Variants in EFNA3 observed in about 807,000 individuals in gnomAD.
EFNA3 encodes the protein ephrin A3.
Under a neutral mutation model 25.0 loss-of-function variants are expected in EFNA3, and 15 were observed. The ratio of observed to expected loss-of-function variants is 0.60; its 90% CI spans 0.40 to 0.92. EFNA3 has a LOEUF of 0.92. EFNA3 is among the 40% of genes least tolerant of loss of function. The probability of loss-of-function intolerance (pLI) is 0.00; values close to 1 mark genes in which losing one functional copy is unlikely to be tolerated. For synonymous variants in EFNA3, 153 were observed against 145.6 expected (o/e 1.05, Z -0.37); for missense variants, 298 against 323.8 (o/e 0.92, Z 0.61).
At position 155,085,510 on chromosome 1, in the gene EFNA3, G is replaced by C. The variant is rs1388158373; in HGVS notation, c.442+106G>C. ...GGCGGGGCCGGCGCGGCGGGCGCCA[G>C]GTCTCGCGGCTGAGACCAGGGAGGA... is the stretch of plus-strand genomic sequence containing the variant. On this transcript the variant is annotated intron_variant, in intron 2 of 4. Transcript: ENST00000368408. The surrounding 1 kb of genome is among the most constrained non-coding windows in gnomAD (Gnocchi z 4.4). The C allele has an allele frequency of 1.5e-5, 20 of 1,371,672 alleles. No homozygotes were observed. The highest frequency in any genetic ancestry group is 1.7e-5 in the Non-Finnish European group (18 of 1,033,196). 85.0% of individuals were successfully genotyped at this position (1,371,672 alleles called of 1,614,324 possible).
Position 155,086,329 on chromosome 1 carries a change from C to A in EFNA3, c.587-84C>A, listed in dbSNP as rs1008296271. 3.1e-6 allele frequency: 5 copies of A among 1,594,530 alleles called. No homozygotes were observed. In the East Asian group the frequency reaches 1.1e-4, roughly 36 times the overall value. ...CTTCCTACCCTGTGGGTGGTCACGT[C>A]CCTGGCTCCATTGCTGCTGCCGCGT... is the stretch of plus-strand genomic sequence containing the variant. On this transcript the variant is annotated intron_variant, in intron 4 of 4. Transcript: ENST00000368408.
chr1:155,078,937 C>G lies in EFNA3; in HGVS notation c.-5C>G, dbSNP rs1038968091. 2.1e-6 allele frequency: 3 copies of G among 1,396,740 alleles called. No homozygotes were observed. The East Asian group carries it at 9.2e-5, about 43-fold the overall frequency. The allele number at this position is 1,396,740 out of a possible 1,614,324, so 86.5% of individuals were successfully genotyped here. A position where few individuals can be genotyped will look rare whatever the true frequency, so the allele number is the denominator to read the frequency against. ...CGGGGGGCGGCGGCGGCGGCGGCTC[C>G]GGGGATGGCGGCGGCTCCGCTGCTG... On this transcript the variant is annotated 5_prime_UTR_variant, in exon 1 of 5. Coordinates refer to ENST00000368408, the MANE Select transcript of EFNA3 (RefSeq NM_004952.5).
rs1343855099 is a variant in EFNA3 at position 155,080,943 on chromosome 1, G to C, written c.128+1874G>C. Among the ~76,000 whole-genome samples, 1 of 152,114 alleles carries C rather than the reference G, an allele frequency of 6.6e-6. No individual in the cohort carries two copies. The highest frequency in any genetic ancestry group is 1.5e-5 in the Non-Finnish European group (1 of 67,982). ...AGCCGCGGCCCCATAAATCGTGAGA[G>C]CGACGTGCTCCGGAGCCGAGAATGG... On this transcript the variant is annotated intron_variant, in intron 1 of 4. Transcript: ENST00000368408. This position sits in a 1 kb window ranked among gnomAD's most constrained non-coding sequence, Gnocchi z 7.0.
rs534338239 is a variant in EFNA3 at position 155,086,688 on chromosome 1, C to T, written c.*145C>T. On this transcript the variant is annotated 3_prime_UTR_variant, in exon 5 of 5. Transcript: ENST00000368408. The stretch of plus-strand genomic sequence containing the variant: ...GGCCTGCACCATACATCTGTGTCCG[C>T]CCCCTCTACCCCTTCCCCCCACGTA... 35 of 975,692 alleles carry T rather than the reference C, an allele frequency of 3.6e-5. 1 individual carries two copies. The South Asian group carries it at 5.5e-4, about 15-fold the overall frequency. The allele number at this position is 975,692 out of a possible 1,614,324, so 60.4% of individuals were successfully genotyped here.
Position 155,085,898 on chromosome 1 carries a change from A to G in EFNA3, c.464A>G (p.His155Arg), listed in dbSNP as rs1571664743. The change falls in exon 3 of 5, where the codon CAC (histidine) becomes CGC (arginine). Residue 155 changes from histidine (H) to arginine (R), a missense_variant. Transcript: ENST00000368408. This position sits in a 1 kb window ranked among gnomAD's most constrained non-coding sequence, Gnocchi z 4.4. ...CCAGCCACGCCCACTCACAACCTGC[A>G]CTGGAAGTGTCTGAGGATGAAGGTG... Reference protein sequence around the residue: ...YYISTPTHNLHWKCLRMKVFV... With the variant: ...YYISTPTHNLRWKCLRMKVFV... 2 of 1,613,460 alleles carry G rather than the reference A, an allele frequency of 1.2e-6. No homozygotes were observed. The highest frequency in any genetic ancestry group is 1.7e-6 in the Non-Finnish European group (2 of 1,179,736).
At position 155,081,337 on chromosome 1, in the gene EFNA3, AG is replaced by A. The variant is rs565441866; in HGVS notation, c.128+2269del. 3.0e-3 allele frequency among the ~76,000 whole-genome samples: 454 copies of A among 152,366 alleles called. 3 individuals are homozygous for A. The highest frequency in any genetic ancestry group is 0.01 in the African/African-American group (431 of 41,588). On this transcript the variant is annotated intron_variant, in intron 1 of 4. Transcript: ENST00000368408. The surrounding 1 kb of genome is among the most constrained non-coding windows in gnomAD (Gnocchi z 5.2). ...GAGTATGAGGTCGAGGAGTCCCCTA[AG>A]CCGGGAATCGAACTTGGTGAGGGGG...
rs546078200 is a variant in EFNA3, at chr1:155,079,274, C to G, written c.128+205C>G. Among the ~76,000 whole-genome samples, 1 of 152,174 alleles carries G rather than the reference C, an allele frequency of 6.6e-6. No individual in the cohort carries two copies. The highest frequency in any genetic ancestry group is 1.9e-4 in the East Asian group (1 of 5,166). On this transcript the variant is annotated intron_variant, in intron 1 of 4. Coordinates refer to ENST00000368408, the MANE Select transcript of EFNA3 (RefSeq NM_004952.5). The surrounding 1 kb of genome is among the most constrained non-coding windows in gnomAD (Gnocchi z 7.7). ...GAGGCTGTTGGGCTATAGTAAGGAGCGCTCGGGCCGTGTGGAGGAGGCTGC... is the reference window on the plus strand; with the variant it reads ...GAGGCTGTTGGGCTATAGTAAGGAGGGCTCGGGCCGTGTGGAGGAGGCTGC...
At position 155,079,476 on chromosome 1, in the gene EFNA3, G is replaced by C. The variant is rs1266650896; in HGVS notation, c.128+407G>C. The stretch of plus-strand genomic sequence containing the variant: ...GTTTTTGGCCATGAGGGCTTCCAGG[G>C]GTTCTGTCTAGGACTCCTGCTTTTA... On this transcript the variant is annotated intron_variant, in intron 1 of 4. Coordinates refer to ENST00000368408, the MANE Select transcript of EFNA3 (RefSeq NM_004952.5). The surrounding 1 kb of genome is among the most constrained non-coding windows in gnomAD (Gnocchi z 7.7). Among the ~76,000 whole-genome samples the C allele has an allele frequency of 6.6e-6, 1 of 152,142 alleles. No homozygotes were observed. The highest frequency in any genetic ancestry group is 1.5e-5 in the Non-Finnish European group (1 of 68,016).
In EFNA3 at chr1:155,085,017, C is replaced by A; in HGVS notation, c.129-74C>A. On this transcript the variant is annotated intron_variant, in intron 1 of 4. Transcript: ENST00000368408. The surrounding 1 kb of genome is among the most constrained non-coding windows in gnomAD (Gnocchi z 4.4). ...AGGCTACGCGGACCCTGGGGAGGGG[C>A]TGCGGAGCGGTCAGATGGAAAGCGG... 1.3e-6 allele frequency: 2 copies of A among 1,532,392 alleles called. No homozygotes were observed. Among genetic ancestry groups the A allele is most frequent in the Non-Finnish European group, 1.8e-6 (2 of 1,119,588 alleles). The allele number at this position is 1,532,392 out of a possible 1,614,324, so 94.9% of individuals were successfully genotyped here. A position where few individuals can be genotyped will look rare whatever the true frequency, so the allele number is the denominator to read the frequency against.
intron 1 of EFNA3, among the ~76,000 whole-genome samples, chr1:155,082,955 T>C (rs1450844225): frequency 2.0e-5 from 3 of 152,158 alleles, no homozygotes; most frequent in Admixed American, 1.3e-4. Flanking sequence ...GTGTACCAAC[T>C]GGGCCCAGCC....
chr1:155,085,936 G>A lies in EFNA3; in HGVS notation c.502G>A (p.Ala168Thr), dbSNP rs1032457204. ...CLRMKVFVCC[A>T]STSHSGEKPV... ...GAGGATGAAGGTGTTCGTCTGCTGC[G>A]CCTCCAGTGAGTAGAATAGGCTCCG... is the stretch of plus-strand genomic sequence containing the variant. Residue 168 changes from alanine (A) to threonine (T), a missense_variant, in exon 3 of 5, where the codon GCC (alanine) becomes ACC (threonine). By Grantham distance (58) the Ala-to-Thr change is moderately conservative. Transcript: ENST00000368408. This position sits in a 1 kb window ranked among gnomAD's most constrained non-coding sequence, Gnocchi z 4.4. 2 of 1,610,608 alleles carry A rather than the reference G, an allele frequency of 1.2e-6. No individual in the cohort carries two copies. Among genetic ancestry groups the A allele is most frequent in the African/African-American group, 2.7e-5 (2 of 74,742 alleles).
chr1:155,085,803 GAGAAATAGAGCCGTCGAGGGAGGGCAC>G lies in EFNA3; in HGVS notation c.443-71_443-45del. 6.4e-7 allele frequency: 1 copy of G among 1,558,632 alleles called. No individual in the cohort carries two copies. Among genetic ancestry groups the G allele is most frequent in the South Asian group, 1.2e-5 (1 of 86,140 alleles). On this transcript the variant is annotated intron_variant, in intron 2 of 4. Coordinates refer to ENST00000368408, the MANE Select transcript of EFNA3 (RefSeq NM_004952.5). The surrounding 1 kb of genome is among the most constrained non-coding windows in gnomAD (Gnocchi z 4.4). ...CCGACGGGGACAGTTTGGAGGGGGT[GAGAAATAGAGCCGTCGAGGGAGGGCAC>G]AGGCACACATTGGGCGAAAGTGACT...
rs1663322905 is a variant in EFNA3 at position 155,080,518 on chromosome 1, T to C, written c.128+1449T>C. Among the ~76,000 whole-genome samples, 2 of 151,602 alleles carry C rather than the reference T, an allele frequency of 1.3e-5. No individual in the cohort carries two copies. The highest frequency in any genetic ancestry group is 1.3e-4 in the Admixed American group (2 of 15,276). Reference sequence around the variant, plus strand: ...TCCAGCTCTATCTAGCTCAGCCCCCTCCCCCAGACTCACACGTCCGCCCCC... The same window carrying C: ...TCCAGCTCTATCTAGCTCAGCCCCCCCCCCCAGACTCACACGTCCGCCCCC... On this transcript the variant is annotated intron_variant, in intron 1 of 4. Transcript: ENST00000368408. This position sits in a 1 kb window ranked among gnomAD's most constrained non-coding sequence, Gnocchi z 7.0.
In EFNA3 at chr1:155,085,614, A is replaced by G; in HGVS notation, c.442+210A>G. ...AGAGAGGAGTTTGGTGACAGTCCCA[A>G]GTTTGGGCTGCGGAGAATCGCTGTT... On this transcript the variant is annotated intron_variant, in intron 2 of 4. Transcript: ENST00000368408. The surrounding 1 kb of genome is among the most constrained non-coding windows in gnomAD (Gnocchi z 4.4). 1.4e-6 allele frequency: 1 copy of G among 706,666 alleles called. No individual in the cohort carries two copies. Among genetic ancestry groups the G allele is most frequent in the Non-Finnish European group, 2.3e-6 (1 of 435,142 alleles). The allele number at this position is 706,666 out of a possible 1,614,324, so 43.8% of individuals were successfully genotyped here.
In EFNA3 at chr1:155,078,955, C is replaced by T. The variant is rs1663284671; in HGVS notation, c.14C>T (p.Pro5Leu). The T allele has an allele frequency of 2.8e-6, 4 of 1,416,474 alleles. No homozygotes were observed. The highest frequency in any genetic ancestry group is 1.5e-5 in the South Asian group (1 of 64,966). 87.7% of individuals were successfully genotyped at this position (1,416,474 alleles called of 1,614,324 possible). Residue 5 changes from proline (P) to leucine (L), a missense_variant, in exon 1 of 5, where the codon CCG becomes CTG. Physicochemically the swap from Pro to Leu is moderately conservative, Grantham distance 98. Coordinates refer to ENST00000368408, the MANE Select transcript of EFNA3 (RefSeq NM_004952.5). ...GCGGCTCCGGGGATGGCGGCGGCTC[C>T]GCTGCTGCTGCTGCTGCTGCTCGTG... MAAA[P>L]LLLLLLLVPV...
Position 155,085,187 on chromosome 1 carries a change from G to C in EFNA3, c.225G>C (p.Ala75=), listed in dbSNP as rs1663429504. The C allele has an allele frequency of 1.2e-6, 2 of 1,612,940 alleles. No homozygotes were observed. The highest frequency in any genetic ancestry group is 3.3e-5 in the Admixed American group (2 of 59,990). The change falls in exon 2 of 5, where the codon GCG becomes GCC. Residue 75 remains alanine, a synonymous_variant. Coordinates refer to ENST00000368408, the MANE Select transcript of EFNA3 (RefSeq NM_004952.5). The surrounding 1 kb of genome is among the most constrained non-coding windows in gnomAD (Gnocchi z 4.4). ...HYNSSGVGPG[A]GPGPGGGAEQ... is the part of the protein sequence containing the mutation. ...ACAGCTCGGGGGTGGGCCCCGGGGC[G>C]GGACCGGGGCCCGGAGGCGGGGCAG...
Position 155,085,948 on chromosome 1 carries a change from T to A in EFNA3, c.508+6T>A. 1 of 1,607,268 alleles carries A rather than the reference T, an allele frequency of 6.2e-7. No homozygotes were observed. The highest frequency in any genetic ancestry group is 8.5e-7 in the Non-Finnish European group (1 of 1,177,124). On this transcript the variant is annotated splice_donor_region_variant and intron_variant, in intron 3 of 4. Transcript: ENST00000368408. This position sits in a 1 kb window ranked among gnomAD's most constrained non-coding sequence, Gnocchi z 4.4. ...GTTCGTCTGCTGCGCCTCCAGTGAG[T>A]AGAATAGGCTCCGAGCCGCGCCCCC...
chr1:155,086,076 T>C, intron 3 of EFNA3, 52 bp from the exon 4 acceptor site: 1 of 1,590,428 alleles, frequency 6.3e-7, no homozygotes, highest in East Asian at 2.3e-5. Flanking sequence ...GGGGAGGGAA[T>C]CCTGGCCCTG....
chr1:155,079,138 G>A lies in EFNA3; in HGVS notation c.128+69G>A. 1 of 1,279,030 alleles carries A rather than the reference G, an allele frequency of 7.8e-7. No homozygotes were observed. Among genetic ancestry groups the A allele is most frequent in the Non-Finnish European group, 1.0e-6 (1 of 1,004,896 alleles). 79.2% of individuals were successfully genotyped at this position (1,279,030 alleles called of 1,614,324 possible). A position where few individuals can be genotyped will look rare whatever the true frequency, so the allele number is the denominator to read the frequency against. On this transcript the variant is annotated intron_variant, in intron 1 of 4. Coordinates refer to ENST00000368408, the MANE Select transcript of EFNA3 (RefSeq NM_004952.5). The surrounding 1 kb of genome is among the most constrained non-coding windows in gnomAD (Gnocchi z 7.7). Reference sequence around the variant, plus strand: ...GAGGGGGAGCCGGTGGGCCCGAGAAGTCCTGGGGGATCCCGGGGTGGGAGT... The same window carrying A: ...GAGGGGGAGCCGGTGGGCCCGAGAAATCCTGGGGGATCCCGGGGTGGGAGT...
Sources: allele counts gnomAD v4.1 joint callset (sites outside exome capture counted in the v4.1 genomes callset), GRCh38; gene constraint gnomAD v4.1.1; non-coding constraint Gnocchi (gnomAD v3.1); transcripts MANE v1.5; gene names NCBI Gene and HGNC (gene_info 2026-07-23, HGNC 2026-07-21).